RBFOX1: variants seen among roughly 807,000 people sequenced by gnomAD.
RBFOX1 encodes the protein RNA binding protein fox-1 homolog 1.
In RBFOX1, 8 loss-of-function variants were observed where a neutral mutation model predicts 57.7. That is an observed-to-expected ratio of 0.14 (90% confidence interval 0.08 to 0.25). RBFOX1 has a LOEUF of 0.25. Among genes scored for constraint, RBFOX1 ranks in the 10% least tolerant of loss-of-function variants. The pLI, the probability that RBFOX1 is intolerant of heterozygous loss-of-function variation, is 1.00. For synonymous variants in RBFOX1, 326 were observed against 222.4 expected (o/e 1.47, Z -4.15); for missense variants, 611 against 548.5 (o/e 1.11, Z -1.14).
chr16:6,336,539 T>A (rs112948563), intron 2 of RBFOX1, among the ~76,000 whole-genome samples: 1,732 of 152,184 alleles, frequency 0.011, 25 homozygotes, highest in African/African-American at 0.039. Flanking sequence ...TAGAGAGGGC[T>A]GGATTTATAA....
At chr16:5,385,319 C>A (rs180829059) in intron 1 of RBFOX1, among the ~76,000 whole-genome samples, 4 of 152,208 alleles carry the variant, frequency 2.6e-5, no homozygotes, top group African/African-American at 9.6e-5. Flanking sequence ...TTCTCAGAGC[C>A]TTTACTATTT....
At chr16:7,354,085 C>T (rs563476608) in intron 4 of RBFOX1, among the ~76,000 whole-genome samples, 8 of 152,248 alleles carry the variant, frequency 5.3e-5, no homozygotes, top group African/African-American at 1.9e-4. Context: ...GATTCTCCTG[C>T]CTCAGCCTCC....
chr16:6,563,141 C>G (rs1005444358), intron 2 of RBFOX1, among the ~76,000 whole-genome samples: 7 of 152,060 alleles, frequency 4.6e-5, no homozygotes, highest in African/African-American at 1.7e-4. Flanking sequence ...AAAATGAATA[C>G]TCAGGTGGTT....
intron 3 of RBFOX1, among the ~76,000 whole-genome samples, chr16:6,998,574 G>T (rs1171231850): frequency 6.6e-6 from 1 of 152,076 alleles, no homozygotes; most frequent in Non-Finnish European, 1.5e-5. Context: ...ACCAAAATAG[G>T]ATTTTAATTT....
In RBFOX1 at chr16:7,283,308, A is replaced by G. The variant is rs182265779; in HGVS notation, c.27+231210A>G. ...CATGGCCTTCCTCCCTGGTCCCCCA[A>G]TCTGCCTCTGCAGTCTCTATACTCC... On this transcript the variant is annotated intron_variant, in intron 4 of 15. Coordinates refer to ENST00000550418, the MANE Select transcript of RBFOX1 (RefSeq NM_018723.4). Among the ~76,000 whole-genome samples, 54 of 151,910 alleles carry G rather than the reference A, an allele frequency of 3.6e-4. No individual in the cohort carries two copies. In the East Asian group the frequency reaches 3.9e-3, roughly 11 times the overall value.
intron 3 of RBFOX1, among the ~76,000 whole-genome samples, chr16:7,007,842 G>A (rs771193930): frequency 7.2e-5 from 11 of 152,178 alleles, no homozygotes; most frequent in Admixed American, 5.9e-4. Context: ...AGCCCACCTA[G>A]TGGACACCTC....
chr16:7,111,778 G>T (rs1234701755), intron 4 of RBFOX1, among the ~76,000 whole-genome samples: 1 of 151,118 alleles, frequency 6.6e-6, no homozygotes, highest in East Asian at 1.9e-4. Flanking sequence ...TATCTTCAAG[G>T]TTCTGGCCAA....
At chr16:6,846,706 G>A (rs6500853) in intron 3 of RBFOX1, among the ~76,000 whole-genome samples, 152,257 of 152,314 alleles carry the variant, frequency 1, 76,100 homozygotes, top group Middle Eastern at 1. Context: ...GCCAGTATCC[G>A]GGAGAATAAG....
intron 2 of RBFOX1, among the ~76,000 whole-genome samples, chr16:6,488,721 C>A (rs1326116939): frequency 6.6e-6 from 1 of 152,092 alleles, no homozygotes; most frequent in African/African-American, 2.4e-5. Context: ...CAAACAGGAT[C>A]AATTTCCTCC....
At chr16:5,998,313 A>T (rs2060525294) in intron 4 of RBFOX1, among the ~76,000 whole-genome samples, 1 of 152,222 alleles carries the variant, frequency 6.6e-6, no homozygotes, top group African/African-American at 2.4e-5. Context: ...CAATTCATTA[A>T]ATTTGAGGAA....
chr16:5,354,350 C>G (rs2065335717), intron 1 of RBFOX1, among the ~76,000 whole-genome samples: 2 of 152,130 alleles, frequency 1.3e-5, no homozygotes, highest in Non-Finnish European at 1.5e-5. Flanking sequence ...TAGTCTGACC[C>G]AATATTCCTG....
chr16:5,666,171 G>T (rs909593415), intron 3 of RBFOX1, among the ~76,000 whole-genome samples: 9 of 152,226 alleles, frequency 5.9e-5, no homozygotes, highest in African/African-American at 2.2e-4. Flanking sequence ...ATCCATCATG[G>T]ATACGGAGGC....
At chr16:5,974,964 C>T (rs374747784) in intron 4 of RBFOX1, among the ~76,000 whole-genome samples, 11 of 152,202 alleles carry the variant, frequency 7.2e-5, no homozygotes, top group South Asian at 6.2e-4. Flanking sequence ...GCAGAGAACA[C>T]GCCTTTGCAC....
At chr16:6,884,516 T>A (rs780827384) in intron 3 of RBFOX1, among the ~76,000 whole-genome samples, 4 of 152,214 alleles carry the variant, frequency 2.6e-5, no homozygotes, top group African/African-American at 4.8e-5. Flanking sequence ...ACTGTGTTGA[T>A]GACATGTTAC....
intron 4 of RBFOX1, among the ~76,000 whole-genome samples, chr16:7,346,020 T>G (rs1478561383): frequency 6.6e-6 from 1 of 152,080 alleles, no homozygotes; most frequent in African/African-American, 2.4e-5. Flanking sequence ...ATGTTCCCCT[T>G]CCTGTGTCCA....
chr16:6,275,296 G>A (rs777676729), intron 1 of RBFOX1, among the ~76,000 whole-genome samples: 13 of 139,032 alleles, frequency 9.4e-5, no homozygotes, highest in Non-Finnish European at 1.5e-4. Flanking sequence ...GGGCGACAGA[G>A]TGAGACTCCA....
At chr16:5,841,257 C>T (rs1451564660) in intron 3 of RBFOX1, among the ~76,000 whole-genome samples, 1 of 152,142 alleles carries the variant, frequency 6.6e-6, no homozygotes, top group Admixed American at 6.5e-5. Context: ...AATAAACTTG[C>T]TTAGATTCAG....
chr16:6,525,188 C>T (rs560834350), intron 2 of RBFOX1, among the ~76,000 whole-genome samples: 29 of 152,220 alleles, frequency 1.9e-4, no homozygotes, highest in Admixed American at 1.8e-3. Flanking sequence ...TGTTAGAAGG[C>T]AAACAAGAAG....
At chr16:6,943,582 C>G (rs573815525) in intron 3 of RBFOX1, among the ~76,000 whole-genome samples, 3 of 152,036 alleles carry the variant, frequency 2.0e-5, no homozygotes, top group Admixed American at 1.3e-4. Flanking sequence ...GTGGCGGGTG[C>G]CTGTAGTCCC....
Sources: gnomAD v4.1 joint callset for allele counts (sites outside exome capture counted in the v4.1 genomes callset) on GRCh38, gnomAD v4.1.1 for gene constraint, MANE v1.5 for transcripts, NCBI Gene and HGNC (gene_info 2026-07-23, HGNC 2026-07-21) for gene names.